The following TNFSF4 variants were observed in gnomAD, a reference collection of about 807,000 sequenced individuals.
TNFSF4 encodes tumor necrosis factor ligand superfamily member 4.
Under a neutral mutation model 7.3 loss-of-function variants are expected in TNFSF4, and 4 were observed. The ratio of observed to expected loss-of-function variants is 0.55; its 90% CI spans 0.27 to 1.25. The LOEUF (loss-of-function observed/expected upper bound fraction) is 1.25, where lower values mean the gene tolerates loss of function less well. TNFSF4 is among the 50% of genes most tolerant of loss of function. TNFSF4 has a pLI of 0.12. For missense variants in TNFSF4, 181 were observed against 208.8 expected (o/e 0.87, Z 0.82); for synonymous variants, 76 against 83.7 (o/e 0.91, Z 0.50).
chr1:173,400,300 C>T, the TNFSF4 span, among the ~76,000 whole-genome samples: 1 of 152,166 alleles, frequency 6.6e-6, no homozygotes, highest in Non-Finnish European at 1.5e-5. Flanking sequence ...GGGCAAGACT[C>T]CCCCAGAAAA....
chr1:173,362,600 C>T, the TNFSF4 span: 1 of 507,114 alleles, frequency 2.0e-6, no homozygotes, highest in South Asian at 1.6e-5. Context: ...GTTGCCAACT[C>T]CTGGGTAAGT....
chr1:173,176,665 C>A, the TNFSF4 span, among the ~76,000 whole-genome samples: 1 of 152,252 alleles, frequency 6.6e-6, no homozygotes. Context: ...CATAAAGACA[C>A]ATAGATACAT....
chr1:173,333,878 C>T, the TNFSF4 span, among the ~76,000 whole-genome samples: 2 of 152,058 alleles, frequency 1.3e-5, no homozygotes, highest in African/African-American at 4.8e-5. Flanking sequence ...TACATCAGCT[C>T]TCCTGGTTTT....
At chr1:173,290,892 G>A in the TNFSF4 span, among the ~76,000 whole-genome samples, 1 of 151,960 alleles carries the variant, frequency 6.6e-6, no homozygotes, top group Non-Finnish European at 1.5e-5. Flanking sequence ...TCAAACCATA[G>A]TGCAATAAAA....
the TNFSF4 span, among the ~76,000 whole-genome samples, chr1:173,373,100 T>G: frequency 6.6e-6 from 1 of 152,244 alleles, no homozygotes; most frequent in Non-Finnish European, 1.5e-5. Context: ...ATAGCAAGTA[T>G]GCTTATCTAA....
the TNFSF4 span, among the ~76,000 whole-genome samples, chr1:173,405,894 G>A: frequency 2.6e-5 from 4 of 152,322 alleles, no homozygotes; most frequent in Admixed American, 2.6e-4. Flanking sequence ...TGATGCTGTA[G>A]GCATTTTCAA....
At chr1:173,408,597 T>G in the TNFSF4 span, among the ~76,000 whole-genome samples, 195 of 148,962 alleles carry the variant, frequency 1.3e-3, no homozygotes, top group Middle Eastern at 6.8e-3. Flanking sequence ...AATGGAGTTG[T>G]TTTTTTTTTC....
At chr1:173,178,304 G>C in the TNFSF4 span, among the ~76,000 whole-genome samples, 1 of 152,170 alleles carries the variant, frequency 6.6e-6, no homozygotes, top group Non-Finnish European at 1.5e-5. Flanking sequence ...GGTCAGGCGC[G>C]GTGGCTCACC....
chr1:173,378,876 C>CCT, the TNFSF4 span, among the ~76,000 whole-genome samples: 2 of 85,562 alleles, frequency 2.3e-5, no homozygotes, highest in South Asian at 3.9e-4. Flanking sequence ...AAGAACCCCC[C>CCT]TCCCCCCCCA....
At chr1:173,345,975 A>C in the TNFSF4 span, among the ~76,000 whole-genome samples, 1 of 152,168 alleles carries the variant, frequency 6.6e-6, no homozygotes, top group African/African-American at 2.4e-5. Flanking sequence ...AGTGACCCTG[A>C]GGGCAGGGCC....
Position 173,207,033 on chromosome 1 carries a change from A to C in TNFSF4, c.144T>G (p.Ser48=), listed in dbSNP as rs148349364. ...CAGTGGTGCATCTTACCTGAAGAGCAGAGAAGTGCAGGCAGATGTAGGTGA... is the reference window on the plus strand; with the variant it reads ...CAGTGGTGCATCTTACCTGAAGAGCCGAGAAGTGCAGGCAGATGTAGGTGA... ...LCFTYICLHF[S]ALQVSHRYPR... The change falls in exon 1 of 3, where the codon TCT becomes TCG. Residue 48 remains serine, a synonymous_variant. Transcript: ENST00000281834. 2.5e-5 allele frequency: 40 copies of C among 1,611,758 alleles called. No individual in the cohort carries two copies. The African/African-American group carries it at 5.2e-4, about 21-fold the overall frequency.
At chr1:173,348,424 TC>T in the TNFSF4 span, among the ~76,000 whole-genome samples, 1 of 152,228 alleles carries the variant, frequency 6.6e-6, no homozygotes, top group Non-Finnish European at 1.5e-5. Flanking sequence ...TAAACTTCTT[TC>T]TTTTGTAAAT....
At chr1:173,378,223 T>A in the TNFSF4 span, among the ~76,000 whole-genome samples, 1 of 152,168 alleles carries the variant, frequency 6.6e-6, no homozygotes, top group Non-Finnish European at 1.5e-5. Flanking sequence ...TTGCGGGTTC[T>A]TCGGCAAGAG....
chr1:173,274,851 G>A, the TNFSF4 span, among the ~76,000 whole-genome samples: 4 of 151,960 alleles, frequency 2.6e-5, no homozygotes, highest in African/African-American at 9.7e-5. Context: ...CCTTATTTTT[G>A]ATACATGTTT....
At chr1:173,194,383 T>G (rs1649608479) in intron 1 of TNFSF4, among the ~76,000 whole-genome samples, 1 of 152,252 alleles carries the variant, frequency 6.6e-6, no homozygotes, top group African/African-American at 2.4e-5. Flanking sequence ...ATAGTCCCTG[T>G]ACATAAAACC....
chr1:173,269,834 G>A, the TNFSF4 span, among the ~76,000 whole-genome samples: 1 of 152,172 alleles, frequency 6.6e-6, no homozygotes, highest in Non-Finnish European at 1.5e-5. Context: ...TTGGGGTTCA[G>A]TAAAGAGATG....
At chr1:173,344,304 A>G in the TNFSF4 span, among the ~76,000 whole-genome samples, 4 of 152,356 alleles carry the variant, frequency 2.6e-5, no homozygotes, top group South Asian at 8.3e-4. Context: ...GCAGTATGGC[A>G]TGGGGGAAAG....
chr1:173,409,375 A>C, the TNFSF4 span, among the ~76,000 whole-genome samples: 1 of 152,204 alleles, frequency 6.6e-6, no homozygotes, highest in East Asian at 1.9e-4. Flanking sequence ...GTAATGTATT[A>C]ATGTTATTAA....
At chr1:173,343,530 C>T in the TNFSF4 span, among the ~76,000 whole-genome samples, 1 of 152,152 alleles carries the variant, frequency 6.6e-6, no homozygotes, top group Non-Finnish European at 1.5e-5. Flanking sequence ...TTATTTTTCC[C>T]TTCTCTATCC....
Sources: allele counts gnomAD v4.1 joint callset (sites outside exome capture counted in the v4.1 genomes callset), GRCh38; gene constraint gnomAD v4.1.1; transcripts MANE v1.5; gene names NCBI Gene and HGNC (gene_info 2026-07-23, HGNC 2026-07-21).